The following CTNNA3 variants were observed in gnomAD, a reference collection of about 807,000 sequenced individuals.
CTNNA3 encodes the protein catenin alpha 3, also known as catenin alpha-3.
In CTNNA3, 76 loss-of-function variants were observed where a neutral mutation model predicts 95.7. The ratio of observed to expected loss-of-function variants is 0.79; its 90% confidence interval spans 0.66 to 0.96. The LOEUF is 0.96. Among genes scored for constraint, CTNNA3 ranks in the 40% least tolerant of loss-of-function variants. The pLI, the probability that CTNNA3 is intolerant of heterozygous loss-of-function variation, is 0.00. For missense variants in CTNNA3, 1,191 were observed against 1,089.8 expected (o/e 1.09, Z -1.31); for synonymous variants, 431 against 374.4 (o/e 1.15, Z -1.74).
chr10:67,599,071 G>A (rs1392390796), intron 3 of CTNNA3, among the ~76,000 whole-genome samples: 1 of 152,130 alleles, frequency 6.6e-6, no homozygotes, highest in African/African-American at 2.4e-5. Flanking sequence ...ACATCAAACT[G>A]TCCACTGAAA....
intron 1 of CTNNA3, among the ~76,000 whole-genome samples, chr10:67,729,051 T>C (rs1248586996): frequency 6.6e-6 from 1 of 152,058 alleles, no homozygotes; most frequent in African/African-American, 2.4e-5. Context: ...GAAGGCAGTC[T>C]AATTTTTTAA....
At chr10:67,107,140 A>G (rs1589747152) in intron 7 of CTNNA3, among the ~76,000 whole-genome samples, 1 of 152,168 alleles carries the variant, frequency 6.6e-6, no homozygotes, top group East Asian at 1.9e-4. Context: ...AGAATATTAT[A>G]TTTTTATTTA....
At chr10:66,347,602 A>G (rs963926296) in intron 12 of CTNNA3, among the ~76,000 whole-genome samples, 5 of 152,008 alleles carry the variant, frequency 3.3e-5, no homozygotes, top group Non-Finnish European at 7.4e-5. Context: ...TGACAGAGTG[A>G]GAACCTATCT....
At chr10:66,502,564 T>C (rs928807254) in intron 11 of CTNNA3, among the ~76,000 whole-genome samples, 1 of 152,142 alleles carries the variant, frequency 6.6e-6, no homozygotes, top group African/African-American at 2.4e-5. Context: ...TAATCACTGT[T>C]ATGTATTTGA....
intron 12 of CTNNA3, among the ~76,000 whole-genome samples, chr10:66,329,098 G>A (rs1201438870): frequency 1.3e-5 from 2 of 151,034 alleles, no homozygotes; most frequent in East Asian, 3.9e-4. Context: ...TTACAGGTGT[G>A]TGCCATCACA....
intron 11 of CTNNA3, among the ~76,000 whole-genome samples, chr10:66,413,105 T>C (rs977389617): frequency 2.6e-5 from 4 of 152,112 alleles, no homozygotes; most frequent in African/African-American, 7.2e-5. Flanking sequence ...TACTCTATCT[T>C]GTAAATGCAC....
Position 67,662,979 on chromosome 10 carries a change from T to A in CTNNA3, c.-5-15461A>T, listed in dbSNP as rs547475924. On this transcript the variant is annotated intron_variant, in intron 1 of 17. Transcript: ENST00000433211. ...ATATAATTACAAGTTTCCACTGATA[T>A]CCTTTGGCTCCAGGAGCTCTTCCTT... Among the ~76,000 whole-genome samples, 11 of 152,350 alleles carry A rather than the reference T, an allele frequency of 7.2e-5. No homozygotes were observed. In the South Asian group the frequency reaches 2.3e-3, roughly 32 times the overall value.
chr10:66,624,239 G>A (rs1486413074), intron 9 of CTNNA3, among the ~76,000 whole-genome samples: 1 of 151,902 alleles, frequency 6.6e-6, no homozygotes. Flanking sequence ...TAAATTATTT[G>A]ATCTTGTTTT....
chr10:66,638,127 GCAATGCCATT>G (rs1845397440), intron 9 of CTNNA3, among the ~76,000 whole-genome samples: 1 of 152,178 alleles, frequency 6.6e-6, no homozygotes, highest in Non-Finnish European at 1.5e-5. Flanking sequence ...TTAAATCTAA[GCAATGCCATT>G]CTAGGCGTTC....
chr10:67,168,794 G>C (rs187987739), intron 7 of CTNNA3, among the ~76,000 whole-genome samples: 180 of 152,270 alleles, frequency 1.2e-3, no homozygotes, highest in Middle Eastern at 0.01. Context: ...AATCACGCAA[G>C]AGAAAGAAAT....
At chr10:66,154,112 T>C (rs1277609103) in intron 13 of CTNNA3, among the ~76,000 whole-genome samples, 2 of 151,942 alleles carry the variant, frequency 1.3e-5, no homozygotes, top group African/African-American at 2.4e-5. Flanking sequence ...TCACTACTGA[T>C]GGTAGTAATT....
intron 9 of CTNNA3, among the ~76,000 whole-genome samples, chr10:66,749,202 C>CAAAAAAAAAAAAAAAAA (rs35568730): frequency 1.6e-4 from 8 of 50,860 alleles, no homozygotes; most frequent in East Asian, 7.8e-4. Flanking sequence ...AACTCCAACT[C>CAAAAAAAAAAAAAAAAA]AAAAAAAAAA....
At chr10:66,511,260 A>G (rs1589356858) in intron 11 of CTNNA3, among the ~76,000 whole-genome samples, 1 of 151,686 alleles carries the variant, frequency 6.6e-6, no homozygotes, top group South Asian at 2.1e-4. Flanking sequence ...GATATTATTT[A>G]TTTAGGTCTT....
At chr10:66,513,428 G>A (rs1840730524) in intron 11 of CTNNA3, among the ~76,000 whole-genome samples, 1 of 152,156 alleles carries the variant, frequency 6.6e-6, no homozygotes, top group South Asian at 2.1e-4. Flanking sequence ...CCTGAAAGCT[G>A]TGATGTGACT....
At chr10:66,123,380 G>A (rs2082669859) in intron 13 of CTNNA3, among the ~76,000 whole-genome samples, 1 of 152,158 alleles carries the variant, frequency 6.6e-6, no homozygotes, top group Non-Finnish European at 1.5e-5. Context: ...GGTTCCCATG[G>A]TCTTGGGCAG....
intron 13 of CTNNA3, among the ~76,000 whole-genome samples, chr10:66,133,584 G>A (rs1347618160): frequency 1.3e-5 from 2 of 149,962 alleles, no homozygotes; most frequent in African/African-American, 4.9e-5. Flanking sequence ...AAGCATCTAA[G>A]AATATCCTGG....
chr10:66,026,338 T>A (rs1020562495), intron 15 of CTNNA3, among the ~76,000 whole-genome samples: 4 of 152,208 alleles, frequency 2.6e-5, no homozygotes, highest in African/African-American at 9.6e-5. Context: ...TTAAGGTATT[T>A]AATCAATGTT....
intron 7 of CTNNA3, among the ~76,000 whole-genome samples, chr10:67,003,233 G>A (rs1306474028): frequency 6.6e-6 from 1 of 152,078 alleles, no homozygotes; most frequent in African/African-American, 2.4e-5. Flanking sequence ...TAATAATATT[G>A]GGGAATAAAC....
At chr10:66,953,446 G>T (rs1692445602) in intron 7 of CTNNA3, among the ~76,000 whole-genome samples, 1 of 152,078 alleles carries the variant, frequency 6.6e-6, no homozygotes, top group Non-Finnish European at 1.5e-5. Context: ...TGATCAAATG[G>T]TGATGATTAC....
Sources: allele counts gnomAD v4.1 joint callset (sites outside exome capture counted in the v4.1 genomes callset), GRCh38; gene constraint gnomAD v4.1.1; transcripts MANE v1.5; gene names NCBI Gene and HGNC (gene_info 2026-07-23, HGNC 2026-07-21).